CAMKMT: variants seen among roughly 807,000 people sequenced by gnomAD.
CAMKMT encodes the protein CaM KMT.
CAMKMT carries 53 observed loss-of-function variants against 48.0 expected under a neutral mutation model. The ratio of observed to expected loss-of-function variants is 1.10; its 90% CI spans 0.89 to 1.39. The LOEUF is 1.39. Among genes scored for constraint, CAMKMT ranks in the 40% most tolerant of loss-of-function variants. The pLI, the probability that CAMKMT is intolerant of heterozygous loss-of-function variation, is 0.00. For synonymous variants in CAMKMT, 165 were observed against 152.3 expected (o/e 1.08, Z -0.61); for missense variants, 428 against 402.7 (o/e 1.06, Z -0.54).
chr2:44,523,255 T>C (rs1172330522), intron 3 of CAMKMT, among the ~76,000 whole-genome samples: 1 of 151,812 alleles, frequency 6.6e-6, no homozygotes, highest in African/African-American at 2.4e-5. Context: ...CTCTGCTACA[T>C]GATGTCTTGG....
At chr2:44,422,072 G>T (rs534600569) in intron 3 of CAMKMT, among the ~76,000 whole-genome samples, 1 of 152,284 alleles carries the variant, frequency 6.6e-6, no homozygotes, top group Admixed American at 6.5e-5. Flanking sequence ...GTAATCCCCA[G>T]TGTTGGAGGT....
chr2:44,684,293 G>A (rs532085972), intron 3 of CAMKMT, among the ~76,000 whole-genome samples: 1 of 152,178 alleles, frequency 6.6e-6, no homozygotes, highest in East Asian at 1.9e-4. Flanking sequence ...GGTGTGAAAG[G>A]GCTGATAACA....
intron 3 of CAMKMT, among the ~76,000 whole-genome samples, chr2:44,525,059 G>A (rs889794772): frequency 6.6e-6 from 1 of 151,844 alleles, no homozygotes; most frequent in African/African-American, 2.4e-5. Flanking sequence ...ATGAGGATAA[G>A]TGAGATTAAG....
chr2:44,559,863 T>C (rs190938164), intron 3 of CAMKMT, among the ~76,000 whole-genome samples: 1 of 152,332 alleles, frequency 6.6e-6, no homozygotes, highest in African/African-American at 2.4e-5. Flanking sequence ...ACCTAATTTT[T>C]TGTTTAAGAT....
intron 3 of CAMKMT, among the ~76,000 whole-genome samples, chr2:44,460,980 T>A (rs139570290): frequency 0.017 from 2,643 of 152,204 alleles, 81 homozygotes; most frequent in African/African-American, 0.061. Flanking sequence ...CGCCTCAGCC[T>A]CCCAAAGTGC....
At chr2:44,367,478 A>G (rs1274714898) in intron 1 of CAMKMT, among the ~76,000 whole-genome samples, 1 of 152,214 alleles carries the variant, frequency 6.6e-6, no homozygotes, top group Non-Finnish European at 1.5e-5. Flanking sequence ...TATATATGAA[A>G]AACAAATGAA....
intron 3 of CAMKMT, among the ~76,000 whole-genome samples, chr2:44,413,433 CATG>C (rs1271551044): frequency 6.6e-6 from 1 of 152,066 alleles, no homozygotes; most frequent in Non-Finnish European, 1.5e-5. Flanking sequence ...GCGGGTGGAT[CATG>C]AGGTCAGGAG....
At chr2:44,605,961 GA>G (rs1384251406) in intron 3 of CAMKMT, among the ~76,000 whole-genome samples, 5 of 152,020 alleles carry the variant, frequency 3.3e-5, no homozygotes, top group African/African-American at 1.2e-4. Context: ...CTTTCAATCA[GA>G]AAAATACTAA....
chr2:44,461,663 T>G (rs1046745411), intron 3 of CAMKMT, among the ~76,000 whole-genome samples: 1 of 152,224 alleles, frequency 6.6e-6, no homozygotes, highest in African/African-American at 2.4e-5. Context: ...CTTGAATAAG[T>G]GAGTGTAAAT....
At chr2:44,558,984 G>T (rs376207956) in intron 3 of CAMKMT, among the ~76,000 whole-genome samples, 1 of 134,414 alleles carries the variant, frequency 7.4e-6, no homozygotes, top group African/African-American at 3.5e-5. Flanking sequence ...TGTATGTATG[G>T]ATAGATAGAT....
intron 3 of CAMKMT, among the ~76,000 whole-genome samples, chr2:44,543,346 C>T (rs1667233946): frequency 1.3e-5 from 2 of 152,284 alleles, no homozygotes; most frequent in South Asian, 2.1e-4. Context: ...GATGCAAAGA[C>T]ATTTCCCTGT....
rs753046808 is a variant in CAMKMT at position 44,516,643 on chromosome 2, C to T, written c.376+126338C>T. ...GTTTAATTTTAATTATATGGCCTTTCAATAAAAGTATTATATATGCTATTT... is the reference window on the plus strand; with the variant it reads ...GTTTAATTTTAATTATATGGCCTTTTAATAAAAGTATTATATATGCTATTT... On this transcript the variant is annotated intron_variant, in intron 3 of 10. Coordinates refer to ENST00000378494, the MANE Select transcript of CAMKMT (RefSeq NM_024766.5). Among the ~76,000 whole-genome samples the T allele has an allele frequency of 1.6e-4, 24 of 150,914 alleles. 1 individual carries two copies. The highest frequency in any genetic ancestry group is 3.2e-4 in the Non-Finnish European group (22 of 67,846).
At chr2:44,391,363 GTTTC>G (rs1175815712) in intron 3 of CAMKMT, among the ~76,000 whole-genome samples, 1 of 151,926 alleles carries the variant, frequency 6.6e-6, no homozygotes, top group African/African-American at 2.4e-5. Flanking sequence ...GTGCCTTTTA[GTTTC>G]TTTCTTTTTT....
chr2:44,459,911 A>G (rs1667764667), intron 3 of CAMKMT, among the ~76,000 whole-genome samples: 1 of 152,196 alleles, frequency 6.6e-6, no homozygotes, highest in South Asian at 2.1e-4. Flanking sequence ...TGCTGAGCAC[A>G]CATCAATAAG....
intron 3 of CAMKMT, among the ~76,000 whole-genome samples, chr2:44,512,914 C>A (rs1670641351): frequency 1.3e-5 from 2 of 152,046 alleles, no homozygotes; most frequent in Non-Finnish European, 2.9e-5. Context: ...TGTATGCTGT[C>A]CCCCATCTGT....
intron 3 of CAMKMT, among the ~76,000 whole-genome samples, chr2:44,427,604 C>T (rs1023439632): frequency 1.3e-5 from 2 of 152,104 alleles, no homozygotes; most frequent in Admixed American, 6.5e-5. Flanking sequence ...AGATACCAAA[C>T]CTTAGCACCA....
intron 3 of CAMKMT, among the ~76,000 whole-genome samples, chr2:44,533,826 C>A (rs1267736404): frequency 1.3e-5 from 2 of 152,080 alleles, no homozygotes; most frequent in Non-Finnish European, 2.9e-5. Flanking sequence ...AAGAAAGGAA[C>A]AAAGAATATA....
chr2:44,505,346 T>C (rs953949709), intron 3 of CAMKMT, among the ~76,000 whole-genome samples: 1 of 152,236 alleles, frequency 6.6e-6, no homozygotes, highest in African/African-American at 2.4e-5. Flanking sequence ...GCAGCTACTC[T>C]TTTCATCTGC....
chr2:44,498,010 A>G (rs1439000530), intron 3 of CAMKMT, among the ~76,000 whole-genome samples: 2 of 152,164 alleles, frequency 1.3e-5, no homozygotes, highest in African/African-American at 4.8e-5. Flanking sequence ...AGTCTGAAAT[A>G]AAGACATCAG....
Sources: allele counts gnomAD v4.1 joint callset (sites outside exome capture counted in the v4.1 genomes callset), GRCh38; gene constraint gnomAD v4.1.1; transcripts MANE v1.5; gene names NCBI Gene and HGNC (gene_info 2026-07-23, HGNC 2026-07-21).